The following MDFIC variants were observed in gnomAD, a reference collection of about 807,000 sequenced individuals.
MDFIC encodes the protein MyoD family inhibitor domain containing.
Under a neutral mutation model 23.2 loss-of-function variants are expected in MDFIC, and 17 were observed. The observed-to-expected ratio is 0.73, with a 90% CI of 0.50 to 1.10. The LOEUF is 1.10. Ranked by LOEUF, MDFIC falls within the 50% of genes least tolerant of loss-of-function variation. The pLI is 0.00. For missense variants in MDFIC, 356 were observed against 316.6 expected, an observed-to-expected ratio of 1.12 and a Z score of -0.95; for synonymous variants, 120 against 115.2, an observed-to-expected ratio of 1.04 and a Z score of -0.27.
At position 114,922,229 on chromosome 7, in the gene MDFIC, G is replaced by A. The variant is rs927990695; in HGVS notation, c.-515G>A. On this transcript the variant is annotated 5_prime_UTR_variant, in exon 1 of 5. Transcript: ENST00000393486. ...CGCGCGGCCGAGCCCGGGTCGCGCC[G>A]CTCCCAGCATCGGGGCCGCTAGCCA... 1 of 534,134 alleles carries A rather than the reference G, an allele frequency of 1.9e-6. No homozygotes were observed. Among genetic ancestry groups the A allele is most frequent in the Non-Finnish European group, 2.8e-6 (1 of 351,932 alleles). 33.1% of individuals were successfully genotyped at this position (534,134 alleles called of 1,614,324 possible). A position where few individuals can be genotyped will look rare whatever the true frequency, so the allele number is the denominator to read the frequency against.
intron 3 of MDFIC, among the ~76,000 whole-genome samples, chr7:114,962,044 A>C (rs1793003108): frequency 6.6e-6 from 1 of 152,206 alleles, no homozygotes; most frequent in Admixed American, 6.5e-5. Context: ...TCTGAATTGC[A>C]AGGCATAATG....
intron 3 of MDFIC, among the ~76,000 whole-genome samples, chr7:114,948,139 T>A (rs1792687067): frequency 6.6e-6 from 1 of 152,182 alleles, no homozygotes; most frequent in Admixed American, 6.5e-5. Context: ...AGGGAAGAGA[T>A]GCTTTACCTA....
chr7:114,947,035 G>A (rs1792660233), intron 3 of MDFIC, among the ~76,000 whole-genome samples: 1 of 152,096 alleles, frequency 6.6e-6, no homozygotes, highest in African/African-American at 2.4e-5. Context: ...AGCATTAAGA[G>A]GTTTGTATTA....
At chr7:114,996,932 A>T (rs752346633) in intron 4 of MDFIC, among the ~76,000 whole-genome samples, 4 of 152,194 alleles carry the variant, frequency 2.6e-5, no homozygotes, top group Non-Finnish European at 5.9e-5. Flanking sequence ...GAGGAAGAGT[A>T]GCTAGTAATG....
intron 3 of MDFIC, among the ~76,000 whole-genome samples, chr7:114,951,984 C>T (rs558850274): frequency 1.3e-4 from 20 of 152,284 alleles, no homozygotes; most frequent in African/African-American, 4.8e-4. Flanking sequence ...GCACGGGGGT[C>T]CTTCTAAGTG....
intron 2 of MDFIC, among the ~76,000 whole-genome samples, chr7:114,929,047 A>G (rs1362840992): frequency 1.3e-5 from 2 of 152,234 alleles, no homozygotes; most frequent in Non-Finnish European, 2.9e-5. Flanking sequence ...ATATAGATCT[A>G]TAGATAAATA....
At chr7:115,013,955 C>CTGTTTT in intron 4 of MDFIC, 1 of 980,398 alleles carries the variant, frequency 1.0e-6, no homozygotes, top group Non-Finnish European at 1.2e-6. Context: ...TCTCACAACT[C>CTGTTTT]TGTTTTTGTT....
At position 114,922,375 on chromosome 7, in the gene MDFIC, G is replaced by A; in HGVS notation, c.-369G>A. The A allele has an allele frequency of 8.1e-7, 1 of 1,230,800 alleles. No homozygotes were observed. Among genetic ancestry groups the A allele is most frequent in the Non-Finnish European group, 1.0e-6 (1 of 985,058 alleles). 76.2% of individuals were successfully genotyped at this position (1,230,800 alleles called of 1,614,324 possible). On this transcript the variant is annotated 5_prime_UTR_variant, in exon 1 of 5. Transcript: ENST00000393486. ...CAGAGAGGGGGAAGGCCCCCTCGCA[G>A]GGGAGCCGGCTGGAGTGAGCTGGCT...
At chr7:114,987,253 G>A (rs1793531052) in intron 4 of MDFIC, among the ~76,000 whole-genome samples, 1 of 152,010 alleles carries the variant, frequency 6.6e-6, no homozygotes, top group Non-Finnish European at 1.5e-5. Flanking sequence ...AAATTGAGTT[G>A]TTTGCTGTTA....
intron 3 of MDFIC, among the ~76,000 whole-genome samples, chr7:114,943,932 G>A (rs1431971555): frequency 6.6e-6 from 1 of 151,936 alleles, no homozygotes; most frequent in African/African-American, 2.4e-5. Flanking sequence ...TAGAACAACA[G>A]CAACAAAAAA....
At chr7:114,929,786 A>ATCT (rs1792274564) in intron 2 of MDFIC, among the ~76,000 whole-genome samples, 1 of 152,116 alleles carries the variant, frequency 6.6e-6, no homozygotes, top group Non-Finnish European at 1.5e-5. Flanking sequence ...GAAAGCCGGA[A>ATCT]GTTAGAGAGA....
chr7:114,943,510 C>G (rs143317280), intron 3 of MDFIC, among the ~76,000 whole-genome samples: 118 of 152,166 alleles, frequency 7.8e-4, no homozygotes, highest in African/African-American at 2.6e-3. Context: ...GGTTTTTATA[C>G]ACTTTGGTCT....
At chr7:115,003,621 C>T (rs1389310360) in intron 4 of MDFIC, among the ~76,000 whole-genome samples, 7 of 152,122 alleles carry the variant, frequency 4.6e-5, no homozygotes, top group African/African-American at 7.2e-5. Flanking sequence ...ATTTCTGACA[C>T]GGAAAATTGA....
rs774500278 is a variant in MDFIC at position 115,015,961 on chromosome 7, A to C, written c.*26A>C. 3.1e-6 allele frequency: 5 copies of C among 1,593,936 alleles called. No individual in the cohort carries two copies. The East Asian group carries it at 1.1e-4, about 36-fold the overall frequency. On this transcript the variant is annotated 3_prime_UTR_variant, in exon 5 of 5. Transcript: ENST00000393486. ...ATATTTATCTTTTGTTTGTGTTAAA[A>C]CTGGAGAGTGTTTAAAAATTTCCTT...
At chr7:114,934,443 T>C (rs576015944) in intron 2 of MDFIC, among the ~76,000 whole-genome samples, 94 of 152,356 alleles carry the variant, frequency 6.2e-4, no homozygotes, top group Non-Finnish European at 1.0e-3. Flanking sequence ...CCTTCGCATA[T>C]TTATACTCAA....
intron 2 of MDFIC, among the ~76,000 whole-genome samples, chr7:114,933,132 T>A (rs560541772): frequency 2.5e-4 from 38 of 152,284 alleles, no homozygotes; most frequent in African/African-American, 7.9e-4. Flanking sequence ...TAACTCTGTA[T>A]AACTGAGAGG....
chr7:115,009,166 G>A (rs899428025), intron 4 of MDFIC, among the ~76,000 whole-genome samples: 1 of 152,190 alleles, frequency 6.6e-6, no homozygotes, highest in African/African-American at 2.4e-5. Context: ...GATTAAGAAA[G>A]TACTTTCAAG....
chr7:114,932,199 C>T (rs910782861), intron 2 of MDFIC, among the ~76,000 whole-genome samples: 2 of 152,058 alleles, frequency 1.3e-5, no homozygotes, highest in East Asian at 3.8e-4. Context: ...CAGTTTTTCA[C>T]CAATATGCAA....
At chr7:114,953,435 A>C (rs1792819931) in intron 3 of MDFIC, among the ~76,000 whole-genome samples, 1 of 152,234 alleles carries the variant, frequency 6.6e-6, no homozygotes. Flanking sequence ...TTCAGGCTAC[A>C]AGAACTTCTG....
Sources: allele counts gnomAD v4.1 joint callset (sites outside exome capture counted in the v4.1 genomes callset), GRCh38; gene constraint gnomAD v4.1.1; transcripts MANE v1.5; gene names NCBI Gene and HGNC (gene_info 2026-07-23, HGNC 2026-07-21).